Variants in LARGE1 observed in about 807,000 individuals in gnomAD.
LARGE1 encodes the protein xylosyl- and glucuronyltransferase LARGE1.
A neutral mutation model predicts 87.6 loss-of-function variants in LARGE1; 43 were observed. The ratio of observed to expected loss-of-function variants is 0.49; its 90% CI spans 0.38 to 0.63. The LOEUF (loss-of-function observed/expected upper bound fraction) is 0.63. LARGE1 is among the 30% of genes least tolerant of loss of function. The pLI is 0.00. For synonymous variants in LARGE1, 434 were observed against 394.6 expected, an observed-to-expected ratio of 1.10 and a Z score of -1.18; for missense variants, 802 against 1,000.2, an observed-to-expected ratio of 0.80 and a Z score of 2.67.
At chr22:33,818,901 G>C (rs886116623) in intron 1 of LARGE1, among the ~76,000 whole-genome samples, 1 of 152,128 alleles carries the variant, frequency 6.6e-6, no homozygotes, top group African/African-American at 2.4e-5. Context: ...CCTTGGGTGG[G>C]CTGAAAGTTC....
intron 11 of LARGE1, among the ~76,000 whole-genome samples, chr22:33,223,232 C>T (rs1378359887): frequency 2.0e-5 from 3 of 152,118 alleles, no homozygotes; most frequent in Non-Finnish European, 4.4e-5. Flanking sequence ...TTCCTAAAGC[C>T]TTGAAATAAG....
chr22:33,720,685 T>G (rs1221447220), intron 2 of LARGE1, among the ~76,000 whole-genome samples: 2 of 152,146 alleles, frequency 1.3e-5, no homozygotes, highest in African/African-American at 4.8e-5. Context: ...TACATAAGAT[T>G]GGAAAAGCAA....
chr22:33,344,406 C>G (rs903763144), intron 9 of LARGE1, among the ~76,000 whole-genome samples: 1 of 152,116 alleles, frequency 6.6e-6, no homozygotes, highest in Non-Finnish European at 1.5e-5. Flanking sequence ...TATCACAAAA[C>G]TGTCCATTTT....
At chr22:33,097,539 T>C in the LARGE1 span, among the ~76,000 whole-genome samples, 1 of 152,198 alleles carries the variant, frequency 6.6e-6, no homozygotes, top group Non-Finnish European at 1.5e-5. Context: ...ATTTGATTTT[T>C]CCCCAAGTAA....
the LARGE1 span, among the ~76,000 whole-genome samples, chr22:33,142,499 C>T: frequency 6.6e-6 from 1 of 152,082 alleles, no homozygotes. Flanking sequence ...TTCCCTCTTA[C>T]TGCTGAAAAT....
intron 9 of LARGE1, among the ~76,000 whole-genome samples, chr22:33,360,407 A>C (rs1432333264): frequency 6.7e-6 from 1 of 149,698 alleles, no homozygotes; most frequent in African/African-American, 2.5e-5. Flanking sequence ...GCATAGTGGC[A>C]TCTGCTTCTA....
chr22:33,909,533 T>G (rs886621382), intron 1 of LARGE1, among the ~76,000 whole-genome samples: 2 of 151,422 alleles, frequency 1.3e-5, no homozygotes, highest in African/African-American at 2.4e-5. Flanking sequence ...TTTTTTTTTT[T>G]TTGTTTTTGT....
At chr22:33,396,291 A>G (rs997258174) in intron 7 of LARGE1, among the ~76,000 whole-genome samples, 1 of 152,200 alleles carries the variant, frequency 6.6e-6, no homozygotes, top group Non-Finnish European at 1.5e-5. Context: ...AATCCAACAG[A>G]AAGTAAGTTT....
chr22:33,900,486 G>A (rs1024713109), intron 1 of LARGE1, among the ~76,000 whole-genome samples: 8 of 152,196 alleles, frequency 5.3e-5, no homozygotes, highest in South Asian at 2.1e-4. Flanking sequence ...CAGGGGATAC[G>A]ATTTCTAGAT....
At chr22:33,409,212 C>T (rs896436307) in intron 7 of LARGE1, among the ~76,000 whole-genome samples, 3 of 152,126 alleles carry the variant, frequency 2.0e-5, no homozygotes, top group African/African-American at 7.2e-5. Context: ...GGAGATGCGG[C>T]AGGCAAGGGC....
At chr22:33,781,952 T>C (rs2085435997) in intron 1 of LARGE1, among the ~76,000 whole-genome samples, 1 of 152,050 alleles carries the variant, frequency 6.6e-6, no homozygotes, top group Non-Finnish European at 1.5e-5. Flanking sequence ...TATACATATA[T>C]ATATATACAC....
rs201642924 is a variant in LARGE1, at chr22:33,274,599, T to C, written c.2099A>G (p.Asn700Ser). 3.1e-6 allele frequency: 5 copies of C among 1,613,958 alleles called. No homozygotes were observed. Among genetic ancestry groups the C allele is most frequent in the Admixed American group, 1.7e-5 (1 of 59,998 alleles). Residue 700 changes from asparagine to serine, a missense_variant, in exon 15 of 15, where the codon AAC (asparagine) becomes AGC (serine). Asn to Ser is a conservative substitution (Grantham distance 46). Transcript: ENST00000397394. The stretch of plus-strand genomic sequence containing the variant: ...ATGAGGCATGTGGATCATGTAGGCG[T>C]TGGGCAGCACAATGAACTCATACTC... ...VQEYEFIVLPNAYMIHMPHAP... is the reference protein window; with the variant it reads ...VQEYEFIVLPSAYMIHMPHAP...
chr22:33,249,313 A>G (rs1926910619), intron 11 of LARGE1, among the ~76,000 whole-genome samples: 1 of 152,176 alleles, frequency 6.6e-6, no homozygotes, highest in Non-Finnish European at 1.5e-5. Context: ...GCAACTTTTT[A>G]TATGTTTATT....
chr22:33,671,299 C>A (rs2081404769), intron 2 of LARGE1, among the ~76,000 whole-genome samples: 1 of 152,260 alleles, frequency 6.6e-6, no homozygotes, highest in Admixed American at 6.5e-5. Context: ...AGATACCACA[C>A]TGCTGAGTCC....
intron 11 of LARGE1, among the ~76,000 whole-genome samples, chr22:33,216,828 A>T (rs903609268): frequency 6.6e-6 from 1 of 152,178 alleles, no homozygotes; most frequent in Non-Finnish European, 1.5e-5. Context: ...AGAAAGATAC[A>T]TGCAGGAGAC....
intron 6 of LARGE1, among the ~76,000 whole-genome samples, chr22:33,521,011 C>T (rs1435222495): frequency 2.6e-5 from 4 of 152,222 alleles, no homozygotes; most frequent in Non-Finnish European, 1.5e-5. Context: ...CACTGATTTT[C>T]AGTCCCCAGC....
At chr22:33,537,304 A>C (rs1285874958) in intron 6 of LARGE1, among the ~76,000 whole-genome samples, 1 of 152,186 alleles carries the variant, frequency 6.6e-6, no homozygotes, top group African/African-American at 2.4e-5. Flanking sequence ...GGAGAATTCG[A>C]TTCCCTGCTG....
At chr22:33,161,699 G>C (rs1221966414), downstream of LARGE1, among the ~76,000 whole-genome samples, 1 of 152,208 alleles carries the variant, frequency 6.6e-6, no homozygotes, top group Non-Finnish European at 1.5e-5. Flanking sequence ...GCTGATGCAA[G>C]AGGTGGGCTT....
In LARGE1 at chr22:33,854,967, G is replaced by C. The variant is rs910520696; in HGVS notation, c.-83+65028C>G. 1.2e-4 allele frequency among the ~76,000 whole-genome samples: 18 copies of C among 152,168 alleles called. 2 individuals are homozygous for C. Among genetic ancestry groups the C allele is most frequent in the Admixed American group, 1.1e-3 (17 of 15,274 alleles). ...CAAAACCCCAGAGGCAGGACCACAA[G>C]GCATTCAGCAGAGAGAGAGAGCACT... On this transcript the variant is annotated intron_variant, in intron 1 of 14. Coordinates refer to ENST00000397394, the MANE Select transcript of LARGE1 (RefSeq NM_133642.5).
Sources: gnomAD v4.1 joint callset for allele counts (sites outside exome capture counted in the v4.1 genomes callset) on GRCh38, gnomAD v4.1.1 for gene constraint, MANE v1.5 for transcripts, NCBI Gene and HGNC (gene_info 2026-07-23, HGNC 2026-07-21) for gene names.